ADGRL4: variants seen among roughly 807,000 people sequenced by gnomAD.
ADGRL4 encodes the protein adhesion G protein-coupled receptor L4, also known as EGF, latrophilin and seven transmembrane domain containing 1.
A neutral mutation model predicts 74.8 loss-of-function variants in ADGRL4; 90 were observed. The ratio of observed to expected loss-of-function variants is 1.20; its 90% CI spans 1.02 to 1.43. The LOEUF is 1.43. Ranked by LOEUF, ADGRL4 falls within the 40% of genes most tolerant of loss-of-function variation. ADGRL4 has a pLI of 0.00. For missense variants in ADGRL4, 881 were observed against 814.3 expected (o/e 1.08, Z -1.00); for synonymous variants, 311 against 279.2 (o/e 1.11, Z -1.14).
rs140794474 is a variant in ADGRL4 at position 78,979,443 on chromosome 1, A to G, written c.172+25627T>C. On this transcript the variant is annotated intron_variant, in intron 2 of 14. Transcript: ENST00000370742. ...TGGCTCTAATTTGCCAAGCCATTAA[A>G]CGTATTGCTTCTGACATATTCTCCC... Among the ~76,000 whole-genome samples the G allele has an allele frequency of 1.1e-3, 166 of 152,066 alleles. 1 individual carries two copies. The highest frequency in any genetic ancestry group is 1.6e-3 in the East Asian group (8 of 5,158).
chr1:78,957,941 C>T (rs1649868488), intron 2 of ADGRL4, among the ~76,000 whole-genome samples: 1 of 152,148 alleles, frequency 6.6e-6, no homozygotes, highest in Non-Finnish European at 1.5e-5. Context: ...TAAGTTGATG[C>T]CAGTGCTCAT....
chr1:78,947,936 A>T (rs1487012680), intron 2 of ADGRL4, among the ~76,000 whole-genome samples: 1 of 152,184 alleles, frequency 6.6e-6, no homozygotes, highest in Non-Finnish European at 1.5e-5. Context: ...ACATATAGTA[A>T]TTACTAAAAG....
At chr1:78,995,120 T>A (rs1650688231) in intron 2 of ADGRL4, among the ~76,000 whole-genome samples, 1 of 152,158 alleles carries the variant, frequency 6.6e-6, no homozygotes, top group Admixed American at 6.5e-5. Flanking sequence ...CAATCACACA[T>A]CACAGTGACT....
chr1:78,969,567 G>A (rs979995300), intron 2 of ADGRL4, among the ~76,000 whole-genome samples: 10 of 152,156 alleles, frequency 6.6e-5, no homozygotes, highest in Non-Finnish European at 1.5e-4. Flanking sequence ...GAGATTCCTT[G>A]TGGAACAGAG....
At chr1:78,895,726 G>A (rs894449948) in intron 12 of ADGRL4, among the ~76,000 whole-genome samples, 7 of 152,024 alleles carry the variant, frequency 4.6e-5, no homozygotes, top group Non-Finnish European at 1.0e-4. Context: ...TAAGCAAAGC[G>A]ACGAGTGGCA....
chr1:78,993,175 A>G (rs1050821623), intron 2 of ADGRL4, among the ~76,000 whole-genome samples: 1 of 152,134 alleles, frequency 6.6e-6, no homozygotes, highest in African/African-American at 2.4e-5. Flanking sequence ...TATTGGCAAT[A>G]CAAAAGTTCT....
chr1:78,901,079 T>G (rs764826124), intron 12 of ADGRL4, among the ~76,000 whole-genome samples: 2 of 152,152 alleles, frequency 1.3e-5, no homozygotes, highest in African/African-American at 4.8e-5. Flanking sequence ...TTGCCAGATG[T>G]TGTAAATAAA....
rs2100746455 is a variant in ADGRL4, at chr1:79,005,190, A to G, written c.52T>C (p.Tyr18His). The G allele has an allele frequency of 9.3e-6, 15 of 1,612,592 alleles. No homozygotes were observed. Among genetic ancestry groups the G allele is most frequent in the Non-Finnish European group, 1.3e-5 (15 of 1,179,370 alleles). ...VVFSTLLNCS[Y>H]TQNCTKTPCL... The stretch of plus-strand genomic sequence containing the variant: ...GGTGTCTTGGTGCAATTTTGAGTAT[A>G]GGAACAATTCAACAAAGTGGAAAAA... The change falls in exon 2 of 15, where the codon TAT becomes CAT. Residue 18 changes from tyrosine (Y) to histidine (H), a missense_variant. Tyr to His is a moderately conservative substitution (Grantham distance 83, BLOSUM62 2). Transcript: ENST00000370742.
At chr1:78,936,228 C>A in intron 7 of ADGRL4, 67 bp downstream of exon 7, 1 of 1,480,200 alleles carries the variant, frequency 6.8e-7, no homozygotes, top group South Asian at 1.2e-5. Context: ...ATGACATAAT[C>A]AAATGCATGA....
At chr1:78,991,161 G>T (rs905134723) in intron 2 of ADGRL4, among the ~76,000 whole-genome samples, 1 of 151,994 alleles carries the variant, frequency 6.6e-6, no homozygotes, top group Non-Finnish European at 1.5e-5. Context: ...TAAGACTTAC[G>T]ATGTGTTCTT....
chr1:78,944,386 AT>A (rs1446492612), intron 3 of ADGRL4, among the ~76,000 whole-genome samples: 1 of 152,212 alleles, frequency 6.6e-6, no homozygotes, highest in Non-Finnish European at 1.5e-5. Context: ...ATTATATGAC[AT>A]TCTAAGACTA....
chr1:78,976,372 A>C (rs920026766), intron 2 of ADGRL4, among the ~76,000 whole-genome samples: 1 of 151,948 alleles, frequency 6.6e-6, no homozygotes, highest in African/African-American at 2.4e-5. Context: ...TGTTTAATAG[A>C]ATTGGGCTTC....
At chr1:78,950,273 G>A (rs967468000) in intron 2 of ADGRL4, among the ~76,000 whole-genome samples, 1 of 152,102 alleles carries the variant, frequency 6.6e-6, no homozygotes, top group Non-Finnish European at 1.5e-5. Context: ...CTAAATGCCT[G>A]GAGTCCTGCA....
Position 78,934,219 on chromosome 1 carries a change from A to C in ADGRL4, c.877+2076T>G, listed in dbSNP as rs566082446. Among the ~76,000 whole-genome samples, 200 of 152,274 alleles carry C rather than the reference A, an allele frequency of 1.3e-3. 1 individual carries two copies. Among genetic ancestry groups the C allele is most frequent in the African/African-American group, 4.6e-3 (192 of 41,584 alleles). On this transcript the variant is annotated intron_variant, in intron 7 of 14. Transcript: ENST00000370742. ...CCAAAACAGCATGGTACTAGTACCA[A>C]AAAGAACAGAGACCTCAGAAATAAC...
intron 3 of ADGRL4, among the ~76,000 whole-genome samples, chr1:78,945,177 A>AAAAAATATAT (rs376405445): frequency 2.7e-4 from 35 of 127,926 alleles, no homozygotes; most frequent in African/African-American, 1.0e-3. Context: ...AAAAAAAAAA[A>AAAAAATATAT]ATATATATAT....
At chr1:78,994,660 C>T (rs1192777127) in intron 2 of ADGRL4, among the ~76,000 whole-genome samples, 1 of 152,136 alleles carries the variant, frequency 6.6e-6, no homozygotes, top group Non-Finnish European at 1.5e-5. Flanking sequence ...TTATTACTGA[C>T]AGATAAAATT....
intron 6 of ADGRL4, 86 bp from the exon 7 acceptor site, chr1:78,936,497 C>A: frequency 1.7e-6 from 2 of 1,176,260 alleles, no homozygotes; most frequent in Admixed American, 3.1e-5. Flanking sequence ...ACAATTTCAT[C>A]CATCATTATT....
intron 7 of ADGRL4, among the ~76,000 whole-genome samples, chr1:78,929,257 T>C (rs1649189816): frequency 6.6e-6 from 1 of 151,482 alleles, no homozygotes; most frequent in South Asian, 2.1e-4. Flanking sequence ...GGTTCAGGTC[T>C]GTAATCCCAA....
intron 2 of ADGRL4, among the ~76,000 whole-genome samples, chr1:78,999,188 A>G (rs1381444151): frequency 6.6e-6 from 1 of 152,224 alleles, no homozygotes; most frequent in African/African-American, 2.4e-5. Context: ...CATTTCCAGA[A>G]TAACAGAAAT....
Sources: gnomAD v4.1 joint callset for allele counts (sites outside exome capture counted in the v4.1 genomes callset) on GRCh38, gnomAD v4.1.1 for gene constraint, MANE v1.5 for transcripts, NCBI Gene and HGNC (gene_info 2026-07-23, HGNC 2026-07-21) for gene names.